Variants in TBC1D4 observed in about 807,000 individuals in gnomAD.
The protein encoded by TBC1D4 is TBC (Tre-2, BUB2, CDC16) domain-containing protein.
In TBC1D4, 121 loss-of-function variants were observed where a neutral mutation model predicts 142.5. The observed-to-expected ratio is 0.85, with a 90% CI of 0.73 to 0.99. The LOEUF is 0.99. Among genes scored for constraint, TBC1D4 ranks in the 50% least tolerant of loss-of-function variants. The probability of loss-of-function intolerance (pLI) is 0.00; values close to 1 mark genes in which losing one functional copy is unlikely to be tolerated. For missense variants in TBC1D4, 1,475 were observed against 1,606.6 expected, an observed-to-expected ratio of 0.92 and a Z score of 1.40; for synonymous variants, 630 against 628.2, an observed-to-expected ratio of 1.00 and a Z score of -0.04.
chr13:75,479,601 A>G lies in TBC1D4; in HGVS notation c.498+1669T>C, dbSNP rs529673664. 2.1e-3 allele frequency among the ~76,000 whole-genome samples: 322 copies of G among 152,112 alleles called. 2 individuals are homozygous for G. The highest frequency in any genetic ancestry group is 7.4e-3 in the African/African-American group (305 of 41,476). On this transcript the variant is annotated intron_variant, in intron 1 of 20. Transcript: ENST00000377636. ...TCATGCATCAGATGTCGCTGGGGGG[A>G]AATAACTTTAACAGAAACCCCCGAG...
At chr13:75,391,659 C>T (rs142089866) in intron 1 of TBC1D4, among the ~76,000 whole-genome samples, 26 of 152,330 alleles carry the variant, frequency 1.7e-4, no homozygotes, top group African/African-American at 5.5e-4. Flanking sequence ...ACCCAGGGCT[C>T]TATGATTGGC....
chr13:75,370,657 T>A (rs1883174372), intron 1 of TBC1D4, among the ~76,000 whole-genome samples: 1 of 152,146 alleles, frequency 6.6e-6, no homozygotes, highest in Non-Finnish European at 1.5e-5. Context: ...TAGGACAGAC[T>A]GCAGGTGGGT....
At chr13:75,295,492 A>G (rs1042021731) in intron 17 of TBC1D4, among the ~76,000 whole-genome samples, 3 of 152,326 alleles carry the variant, frequency 2.0e-5, no homozygotes, top group South Asian at 4.1e-4. Context: ...GACAATCTGC[A>G]CTGCTAGGAG....
chr13:75,350,585 A>AT (rs1423567960), intron 4 of TBC1D4, among the ~76,000 whole-genome samples: 1 of 152,138 alleles, frequency 6.6e-6, no homozygotes, highest in Non-Finnish European at 1.5e-5. Context: ...ATACCTTTGC[A>AT]TTTTTATTTC....
chr13:75,352,979 G>A (rs909790525), intron 4 of TBC1D4, among the ~76,000 whole-genome samples: 2 of 152,056 alleles, frequency 1.3e-5, no homozygotes, highest in Admixed American at 6.5e-5. Context: ...TTTTCTTGAG[G>A]CTTGCAGTTC....
chr13:75,362,228 C>T lies in TBC1D4; in HGVS notation c.878G>A (p.Arg293Gln), dbSNP rs1882586610. The T allele has an allele frequency of 1.2e-6, 2 of 1,613,730 alleles. No homozygotes were observed. Among genetic ancestry groups the T allele is most frequent in the Admixed American group, 1.7e-5 (1 of 59,998 alleles). ...GASQPALTSSRVCFPERILED... is the reference protein window; with the variant it reads ...GASQPALTSSQVCFPERILED... ...CAAAATCCGCTCAGGGAAGCAGACC[C>T]GAGAGCTGGTCAGGGCAGGCTGGCT... Residue 293 changes from arginine to glutamine, a missense_variant, in exon 2 of 21, where the codon CGG becomes CAG. This residue lies in a region of TBC1D4 where 1,227 missense variants were observed against 1,267.7 expected (regional missense o/e 0.97). Coordinates refer to ENST00000377636, the MANE Select transcript of TBC1D4 (RefSeq NM_014832.5). This position sits in a 1 kb window ranked among gnomAD's most constrained non-coding sequence, Gnocchi z 4.2.
At chr13:75,464,134 T>C (rs1476096569) in intron 1 of TBC1D4, among the ~76,000 whole-genome samples, 1 of 152,192 alleles carries the variant, frequency 6.6e-6, no homozygotes, top group Non-Finnish European at 1.5e-5. Context: ...AGTTTCTAAA[T>C]CCACATGCAA....
intron 13 of TBC1D4, among the ~76,000 whole-genome samples, chr13:75,310,621 C>T (rs961172130): frequency 6.6e-6 from 1 of 152,192 alleles, no homozygotes. Context: ...CTCATTCCTC[C>T]TGCAACACCT....
intron 7 of TBC1D4, among the ~76,000 whole-genome samples, chr13:75,340,122 A>G (rs998257148): frequency 2.1e-5 from 3 of 144,012 alleles, no homozygotes; most frequent in African/African-American, 7.5e-5. Context: ...TGGAGAGGAC[A>G]TGATTCATTC....
chr13:75,322,103 T>C (rs1354887922), intron 11 of TBC1D4, among the ~76,000 whole-genome samples: 1 of 152,212 alleles, frequency 6.6e-6, no homozygotes, highest in Non-Finnish European at 1.5e-5. Flanking sequence ...AATAGTGGTG[T>C]TCACTCTGTG....
intron 1 of TBC1D4, among the ~76,000 whole-genome samples, chr13:75,472,042 G>A (rs1888426251): frequency 1.3e-5 from 2 of 150,064 alleles, no homozygotes; most frequent in South Asian, 4.2e-4. Flanking sequence ...AGTAGGTGGA[G>A]GTTGCAGTGA....
intron 1 of TBC1D4, among the ~76,000 whole-genome samples, chr13:75,363,041 A>G (rs1027057363): frequency 5.3e-5 from 8 of 152,350 alleles, no homozygotes; most frequent in Admixed American, 4.6e-4. Flanking sequence ...TAACTATCAG[A>G]GAAAATGCAA....
chr13:75,448,368 C>T (rs903221913), intron 1 of TBC1D4, among the ~76,000 whole-genome samples: 13 of 151,860 alleles, frequency 8.6e-5, no homozygotes, highest in African/African-American at 2.4e-4. Flanking sequence ...GGGAGTTCAA[C>T]GCCAGCCTGA....
chr13:75,437,390 A>T (rs902538310), intron 1 of TBC1D4, among the ~76,000 whole-genome samples: 2 of 152,228 alleles, frequency 1.3e-5, no homozygotes, highest in Admixed American at 1.3e-4. Context: ...TGAGAGAATT[A>T]TAAGGCAAAT....
At chr13:75,310,798 C>T (rs1877669954) in intron 13 of TBC1D4, among the ~76,000 whole-genome samples, 1 of 152,164 alleles carries the variant, frequency 6.6e-6, no homozygotes, top group Admixed American at 6.5e-5. Flanking sequence ...CCTCATCCTC[C>T]TCCCACCCTC....
At chr13:75,442,243 T>A (rs945308387) in intron 1 of TBC1D4, among the ~76,000 whole-genome samples, 1 of 152,228 alleles carries the variant, frequency 6.6e-6, no homozygotes, top group African/African-American at 2.4e-5. Flanking sequence ...AGTTTCTTCA[T>A]CTGTGAAATT....
intron 8 of TBC1D4, among the ~76,000 whole-genome samples, chr13:75,330,345 C>A (rs1879644043): frequency 6.6e-6 from 1 of 152,166 alleles, no homozygotes; most frequent in South Asian, 2.1e-4. Context: ...TTATTCTTAT[C>A]TGCATATATT....
chr13:75,391,727 T>A (rs1884501836), intron 1 of TBC1D4, among the ~76,000 whole-genome samples: 1 of 152,158 alleles, frequency 6.6e-6, no homozygotes, highest in Non-Finnish European at 1.5e-5. Context: ...AGTCTTCTGG[T>A]TTACAAGACC....
At chr13:75,440,363 T>C (rs1886982993) in intron 1 of TBC1D4, among the ~76,000 whole-genome samples, 4 of 151,960 alleles carry the variant, frequency 2.6e-5, no homozygotes, top group Admixed American at 1.3e-4. Context: ...GACTTTATCC[T>C]TCAAGCAAAG....
Sources: allele counts gnomAD v4.1 joint callset (sites outside exome capture counted in the v4.1 genomes callset), GRCh38; gene constraint gnomAD v4.1.1; regional missense constraint gnomAD v4.1.1; non-coding constraint Gnocchi (gnomAD v3.1); transcripts MANE v1.5; gene names NCBI Gene and HGNC (gene_info 2026-07-23, HGNC 2026-07-21).